Variants in SV2B observed in about 807,000 individuals in gnomAD.
The protein encoded by SV2B is solute carrier family 22 member B2.
In SV2B, 41 loss-of-function variants were observed where a neutral mutation model predicts 73.9. That is an observed-to-expected ratio of 0.56 (90% CI 0.43 to 0.72). The LOEUF (loss-of-function observed/expected upper bound fraction) is 0.72, where lower values mean the gene tolerates loss of function less well. Ranked by LOEUF, SV2B falls within the 30% of genes least tolerant of loss-of-function variation. The pLI, the probability that SV2B is intolerant of heterozygous loss-of-function variation, is 0.00. For missense variants in SV2B, 764 were observed against 857.8 expected, an observed-to-expected ratio of 0.89 and a Z score of 1.37; for synonymous variants, 314 against 314.2, an observed-to-expected ratio of 1.00 and a Z score of 0.01.
rs148669379 is a variant in SV2B at position 91,221,422 on chromosome 15, A to G, written c.-391-4451A>G. On this transcript the variant is annotated intron_variant, in intron 1 of 12. Transcript: ENST00000394232. Reference sequence around the variant, plus strand: ...CAGAGTCACTGTTGTACATCCCATAATCATACCAAAATGGTGGATCAGCCT... The same window carrying G: ...CAGAGTCACTGTTGTACATCCCATAGTCATACCAAAATGGTGGATCAGCCT... Among the ~76,000 whole-genome samples, 975 of 152,292 alleles carry G rather than the reference A, an allele frequency of 6.4e-3. 14 individuals carry two copies. Among genetic ancestry groups the G allele is most frequent in the African/African-American group, 0.022 (933 of 41,546 alleles).
chr15:91,133,688 C>T (rs2042725984), intron 1 of SV2B, among the ~76,000 whole-genome samples: 2 of 152,180 alleles, frequency 1.3e-5, no homozygotes, highest in South Asian at 4.1e-4. Flanking sequence ...AAACTCTCCA[C>T]ACTTCCTGTC....
rs966727884 is a variant in SV2B at position 91,258,615 on chromosome 15, G to A, written c.918+61G>A. On this transcript the variant is annotated intron_variant, in intron 5 of 12. Transcript: ENST00000394232. The surrounding 1 kb of genome is among the most constrained non-coding windows in gnomAD (Gnocchi z 4.7). Reference sequence around the variant, plus strand: ...AAAACAGCCACAGGAACCCAGCCTCGCTTCCTTCTCTCAGCTCCTAGTCCC... The same window carrying A: ...AAAACAGCCACAGGAACCCAGCCTCACTTCCTTCTCTCAGCTCCTAGTCCC... The A allele has an allele frequency of 7.5e-6, 12 of 1,605,976 alleles. No individual in the cohort carries two copies. The highest frequency in any genetic ancestry group is 3.6e-4 in the Middle Eastern group (2 of 5,578).
At chr15:91,116,713 G>T (rs2042189358) in intron 1 of SV2B, among the ~76,000 whole-genome samples, 1 of 152,184 alleles carries the variant, frequency 6.6e-6, no homozygotes, top group Admixed American at 6.5e-5. Context: ...ATAAACGGCT[G>T]TATTAGTCTG....
intron 1 of SV2B, among the ~76,000 whole-genome samples, chr15:91,180,338 A>G (rs900675839): frequency 3.3e-5 from 5 of 151,672 alleles, no homozygotes; most frequent in African/African-American, 1.2e-4. Flanking sequence ...TTTTTCCTTC[A>G]TTTCAACTTT....
chr15:91,176,117 T>A (rs1195475009), intron 1 of SV2B, among the ~76,000 whole-genome samples: 3 of 148,370 alleles, frequency 2.0e-5, no homozygotes, highest in Non-Finnish European at 4.5e-5. Flanking sequence ...TCAATTCCCA[T>A]CTATGAGTGA....
chr15:91,204,184 C>A (rs761473448), intron 1 of SV2B, among the ~76,000 whole-genome samples: 6 of 152,132 alleles, frequency 3.9e-5, no homozygotes, highest in Admixed American at 2.6e-4. Flanking sequence ...CTATGTCCAC[C>A]CGGTTCGCTT....
intron 1 of SV2B, among the ~76,000 whole-genome samples, chr15:91,198,913 T>C (rs2045359532): frequency 1.3e-5 from 2 of 152,256 alleles, no homozygotes; most frequent in Non-Finnish European, 2.9e-5. Context: ...CAGAATCTCC[T>C]GTGTGTGGTT....
chr15:91,149,259 G>A (rs2043237222), intron 1 of SV2B, among the ~76,000 whole-genome samples: 1 of 152,200 alleles, frequency 6.6e-6, no homozygotes, highest in Non-Finnish European at 1.5e-5. Flanking sequence ...GCTGGCCATC[G>A]GAAGTCTGAA....
intron 11 of SV2B, among the ~76,000 whole-genome samples, chr15:91,286,977 G>A (rs943233314): frequency 6.6e-6 from 1 of 152,180 alleles, no homozygotes; most frequent in Admixed American, 6.5e-5. Flanking sequence ...TGAAGTGTTT[G>A]CCAGCATTTA....
intron 1 of SV2B, among the ~76,000 whole-genome samples, chr15:91,186,358 C>T (rs1225752081): frequency 5.9e-5 from 9 of 152,112 alleles, no homozygotes; most frequent in Non-Finnish European, 1.0e-4. Context: ...ATATATAAAA[C>T]ATATTATAGT....
chr15:91,218,541 T>G (rs2141455441), intron 1 of SV2B, among the ~76,000 whole-genome samples: 1 of 152,252 alleles, frequency 6.6e-6, no homozygotes, highest in South Asian at 2.1e-4. Context: ...AATATCTCAT[T>G]AGTACCCGTC....
rs1332385110 is a variant in SV2B, at chr15:91,267,068, A to T, written c.1119+376A>T. On this transcript the variant is annotated intron_variant, in intron 7 of 12. Coordinates refer to ENST00000394232, the MANE Select transcript of SV2B (RefSeq NM_001323032.3). The surrounding 1 kb of genome is among the most constrained non-coding windows in gnomAD (Gnocchi z 4.3). Reference sequence around the variant, plus strand: ...GGCTTGTTCTTGATTTCCAAGAAACATTTTTCTAAAAGGGCAATGCCATTT... The same window carrying T: ...GGCTTGTTCTTGATTTCCAAGAAACTTTTTTCTAAAAGGGCAATGCCATTT... 1 of 185,064 alleles carries T rather than the reference A, an allele frequency of 5.4e-6. No individual in the cohort carries two copies. Among genetic ancestry groups the T allele is most frequent in the Non-Finnish European group, 1.1e-5 (1 of 89,462 alleles). The allele number at this position is 185,064 out of a possible 1,614,324, so 11.5% of individuals were successfully genotyped here.
At chr15:91,187,653 ATGTTT>A (rs2044826205) in intron 1 of SV2B, among the ~76,000 whole-genome samples, 1 of 136,864 alleles carries the variant, frequency 7.3e-6, no homozygotes, top group African/African-American at 2.8e-5. Context: ...ATTCAATTTT[ATGTTT>A]TGTTTTTTTT....
chr15:91,170,340 T>A (rs2044079869), intron 1 of SV2B, among the ~76,000 whole-genome samples: 1 of 152,170 alleles, frequency 6.6e-6, no homozygotes. Context: ...CAGGCTGGAG[T>A]GCAGTGGCAC....
Position 91,140,632 on chromosome 15 carries a change from G to A in SV2B, c.-392+40269G>A, listed in dbSNP as rs2042971699. Among the ~76,000 whole-genome samples, 1 of 152,158 alleles carries A rather than the reference G, an allele frequency of 6.6e-6. No individual in the cohort carries two copies. Among genetic ancestry groups the A allele is most frequent in the African/African-American group, 2.4e-5 (1 of 41,430 alleles). On this transcript the variant is annotated intron_variant, in intron 1 of 12. Transcript: ENST00000394232. This position sits in a 1 kb window ranked among gnomAD's most constrained non-coding sequence, Gnocchi z 4.4. ...CTTTGATCTCCTCCAACAGAGTGGAGAACATGTCTGACAGTCAGTTTTTCT... is the reference window on the plus strand; with the variant it reads ...CTTTGATCTCCTCCAACAGAGTGGAAAACATGTCTGACAGTCAGTTTTTCT...
Position 91,251,985 on chromosome 15 carries a change from C to A in SV2B, c.618C>A (p.Leu206=). 1 of 1,614,072 alleles carries A rather than the reference C, an allele frequency of 6.2e-7. No homozygotes were observed. Among genetic ancestry groups the A allele is most frequent in the Non-Finnish European group, 8.5e-7 (1 of 1,179,988 alleles). The change falls in exon 3 of 13, where the codon CTC becomes CTA. Residue 206 remains leucine (L), a synonymous_variant. Coordinates refer to ENST00000394232, the MANE Select transcript of SV2B (RefSeq NM_001323032.3). ...QGYGAFLFCR[L]ISGIGIGGAL... The stretch of plus-strand genomic sequence containing the variant: ...ATGGAGCCTTCCTCTTCTGCCGACT[C>A]ATCTCAGGCATCGGGTATGTTCTTA...
chr15:91,122,077 T>C lies in SV2B; in HGVS notation c.-392+21714T>C, dbSNP rs1227407314. Among the ~76,000 whole-genome samples, 2 of 152,090 alleles carry C rather than the reference T, an allele frequency of 1.3e-5. No individual in the cohort carries two copies. Among genetic ancestry groups the C allele is most frequent in the Non-Finnish European group, 2.9e-5 (2 of 67,994 alleles). On this transcript the variant is annotated intron_variant, in intron 1 of 12. Transcript: ENST00000394232. The surrounding 1 kb of genome is among the most constrained non-coding windows in gnomAD (Gnocchi z 4.3). ...GCGTGAGCCACTGCGCCCGGCCCAA[T>C]GGTGTTTTAAAAGTAATGCTTGCCT...
At chr15:91,171,970 C>T (rs1369069999) in intron 1 of SV2B, among the ~76,000 whole-genome samples, 6 of 152,104 alleles carry the variant, frequency 3.9e-5, no homozygotes, top group Admixed American at 2.0e-4. Flanking sequence ...TGGATAAAAA[C>T]CTTTAGTGAT....
intron 9 of SV2B, among the ~76,000 whole-genome samples, chr15:91,278,678 CAAAA>C (rs746732650): frequency 4.7e-5 from 2 of 42,440 alleles, no homozygotes; most frequent in Non-Finnish European, 8.6e-5. Context: ...GACTCCGTCT[CAAAA>C]AAAAAAAAAA....
Sources: allele counts gnomAD v4.1 joint callset (sites outside exome capture counted in the v4.1 genomes callset), GRCh38; gene constraint gnomAD v4.1.1; non-coding constraint Gnocchi (gnomAD v3.1); transcripts MANE v1.5; gene names NCBI Gene and HGNC (gene_info 2026-07-23, HGNC 2026-07-21).